The following IQANK1 variants were observed in gnomAD, a reference collection of about 807,000 sequenced individuals.
IQANK1 encodes the protein IQ motif and ankyrin repeat domain-containing protein 1.
In IQANK1, 30 loss-of-function variants were observed where a neutral mutation model predicts 22.6. The ratio of observed to expected loss-of-function variants is 1.33; its 90% CI spans 0.99 to 1.80. The LOEUF (loss-of-function observed/expected upper bound fraction) is 1.80. Ranked by LOEUF, IQANK1 falls within the 40% of genes most tolerant of loss-of-function variation. IQANK1 has a pLI of 0.00. For synonymous variants in IQANK1, 122 were observed against 99.6 expected, an observed-to-expected ratio of 1.23 and a Z score of -1.34; for missense variants, 275 against 235.2, an observed-to-expected ratio of 1.17 and a Z score of -1.11.
At chr8:143,755,446 C>T (rs1251249261) in intron 3 of IQANK1, among the ~76,000 whole-genome samples, 1 of 152,144 alleles carries the variant, frequency 6.6e-6, no homozygotes, top group African/African-American at 2.4e-5. Context: ...TCACTGCAAC[C>T]TCCGCCTCCC....
At chr8:143,742,167 C>T (rs782191789) in intron 3 of IQANK1, 50 of 353,484 alleles carry the variant, frequency 1.4e-4, no homozygotes, top group East Asian at 7.5e-4. Context: ...CCCAGCTGTC[C>T]GCATCACCAC....
intron 3 of IQANK1, among the ~76,000 whole-genome samples, chr8:143,749,184 AATATATATCATATATAAATATATC>A (rs1391466934): frequency 1.6e-5 from 2 of 123,838 alleles, no homozygotes; most frequent in Non-Finnish European, 3.1e-5. Flanking sequence ...ATAATATATA[AATATATATCATATATAAATATATC>A]ATATATATCA....
chr8:143,740,623 A>G (rs540934683), intron 3 of IQANK1, among the ~76,000 whole-genome samples: 1 of 152,256 alleles, frequency 6.6e-6, no homozygotes, highest in African/African-American at 2.4e-5. Context: ...CGCGGAGCCG[A>G]CGGGGCCTCG....
intron 7 of IQANK1, among the ~76,000 whole-genome samples, chr8:143,786,140 G>A (rs1819884423): frequency 6.6e-6 from 1 of 152,226 alleles, no homozygotes. Flanking sequence ...TGGGATTACA[G>A]GCATGAGCCA....
At chr8:143,753,675 G>A (rs1295627400) in intron 3 of IQANK1, among the ~76,000 whole-genome samples, 1 of 151,848 alleles carries the variant, frequency 6.6e-6, no homozygotes, top group Non-Finnish European at 1.5e-5. Flanking sequence ...GGCTGTTCTC[G>A]AACTCCTGAC....
rs11418981 is a variant in IQANK1 at position 143,761,808 on chromosome 8, GTT to G, written c.176-9669_176-9668del. 8.1e-4 allele frequency among the ~76,000 whole-genome samples: 118 copies of G among 146,226 alleles called. 1 individual carries two copies. The highest frequency in any genetic ancestry group is 2.9e-3 in the African/African-American group (114 of 39,464). Reference sequence around the variant, plus strand: ...ATTTCAAAAGAAAATAAATTTCAGTGTTTTTTTTTTTTGCAGGAAGTGTTATA... The same window carrying G: ...ATTTCAAAAGAAAATAAATTTCAGTGTTTTTTTTTTGCAGGAAGTGTTATA... On this transcript the variant is annotated intron_variant, in intron 3 of 13. Transcript: ENST00000527139.
rs1587466266 is a variant in IQANK1, at chr8:143,735,742, T to C, written c.-4-108T>C. 1.5e-6 allele frequency: 1 copy of C among 652,388 alleles called. No individual in the cohort carries two copies. Among genetic ancestry groups the C allele is most frequent in the African/African-American group, 1.8e-5 (1 of 56,462 alleles). The allele number at this position is 652,388 out of a possible 1,614,324, so 40.4% of individuals were successfully genotyped here. On this transcript the variant is annotated intron_variant, in intron 1 of 13. Coordinates refer to ENST00000527139, the MANE Select transcript of IQANK1 (RefSeq NM_001381874.1). The surrounding 1 kb of genome is among the most constrained non-coding windows in gnomAD (Gnocchi z 5.2). Reference sequence around the variant, plus strand: ...GCCTCAGGGGAGCCCATGTTCCTGCTGTCATCCACTCAGGCGCCCATGGTG... The same window carrying C: ...GCCTCAGGGGAGCCCATGTTCCTGCCGTCATCCACTCAGGCGCCCATGGTG...
intron 3 of IQANK1, among the ~76,000 whole-genome samples, chr8:143,769,739 A>T (rs1191680002): frequency 1.7e-4 from 26 of 152,096 alleles, no homozygotes; most frequent in Admixed American, 1.7e-3. Flanking sequence ...TCATTTCCTC[A>T]GTAGCTTTGA....
chr8:143,789,153 C>T (rs989539809), intron 8 of IQANK1, 36 bp from the exon 9 acceptor site: 7 of 400,714 alleles, frequency 1.7e-5, no homozygotes, highest in Non-Finnish European at 2.6e-5. Flanking sequence ...GGGGCGCTGG[C>T]GGAAGCCTCT....
intron 3 of IQANK1, among the ~76,000 whole-genome samples, chr8:143,753,458 C>CTT (rs1343991267): frequency 3.0e-4 from 39 of 130,392 alleles, no homozygotes; most frequent in African/African-American, 6.8e-4. Context: ...GGGAAAGTTT[C>CTT]TTTTTTTTTT....
Position 143,740,732 on chromosome 8 carries a change from T to C in IQANK1, c.175+784T>C, listed in dbSNP as rs566465482. On this transcript the variant is annotated intron_variant, in intron 3 of 13. Coordinates refer to ENST00000527139, the MANE Select transcript of IQANK1 (RefSeq NM_001381874.1). ...GCCTGGCACCGGCAGCCACCTGTCCTCCCCAGCCCAGGCCCGGCACCGCCC... is the reference window on the plus strand; with the variant it reads ...GCCTGGCACCGGCAGCCACCTGTCCCCCCCAGCCCAGGCCCGGCACCGCCC... Among the ~76,000 whole-genome samples, 3 of 152,154 alleles carry C rather than the reference T, an allele frequency of 2.0e-5. No individual in the cohort carries two copies. In the East Asian group the frequency reaches 5.8e-4, roughly 30 times the overall value.
chr8:143,785,740 T>TC (rs1819873911), intron 7 of IQANK1, among the ~76,000 whole-genome samples: 2 of 144,752 alleles, frequency 1.4e-5, no homozygotes, highest in African/African-American at 2.6e-5. Context: ...TTTTTTTTTT[T>TC]CTCTGAGATG....
At chr8:143,748,805 A>ATT (rs1563770424) in intron 3 of IQANK1, among the ~76,000 whole-genome samples, 158 of 83,704 alleles carry the variant, frequency 1.9e-3, no homozygotes, top group South Asian at 5.5e-3. Flanking sequence ...ATAAATATAT[A>ATT]TCATATAAAT....
In IQANK1 at chr8:143,774,353, C is replaced by T. The variant is rs529690229; in HGVS notation, c.789+1871C>T. 5.3e-5 allele frequency among the ~76,000 whole-genome samples: 8 copies of T among 152,230 alleles called. No homozygotes were observed. The highest frequency in any genetic ancestry group is 3.9e-4 in the Admixed American group (6 of 15,292). On this transcript the variant is annotated intron_variant, in intron 7 of 13. Transcript: ENST00000527139. This position sits in a 1 kb window ranked among gnomAD's most constrained non-coding sequence, Gnocchi z 4.2. ...TAGAAAAAACTCACATCGCAAACAA[C>T]AATGAAACATACAATCTAGGTATAA... is the stretch of plus-strand genomic sequence containing the variant.
intron 7 of IQANK1, among the ~76,000 whole-genome samples, chr8:143,783,161 T>C (rs563721165): frequency 2.3e-3 from 358 of 152,382 alleles, no homozygotes; most frequent in African/African-American, 8.2e-3. Flanking sequence ...TTGGTACATA[T>C]GTGCACAGTT....
At chr8:143,768,276 C>G (rs1031820699) in intron 3 of IQANK1, among the ~76,000 whole-genome samples, 1 of 152,094 alleles carries the variant, frequency 6.6e-6, no homozygotes, top group African/African-American at 2.4e-5. Flanking sequence ...GGTGCGGGAA[C>G]GTCTCACCGC....
chr8:143,768,435 T>C (rs1554629420), intron 3 of IQANK1, among the ~76,000 whole-genome samples: 2 of 152,110 alleles, frequency 1.3e-5, no homozygotes, highest in African/African-American at 4.8e-5. Context: ...TTGATACTTA[T>C]CTTGGAAGAG....
intron 7 of IQANK1, among the ~76,000 whole-genome samples, chr8:143,777,495 T>C (rs1252779304): frequency 7.6e-6 from 1 of 132,010 alleles, no homozygotes; most frequent in Non-Finnish European, 1.6e-5. Context: ...CACTCCAGCC[T>C]GGGCGACAGA....
chr8:143,786,709 G>A (rs186488293), intron 7 of IQANK1, among the ~76,000 whole-genome samples: 1 of 152,228 alleles, frequency 6.6e-6, no homozygotes, highest in East Asian at 1.9e-4. Flanking sequence ...GGAGATGCCA[G>A]GCTACCAGGG....
Sources: allele counts gnomAD v4.1 joint callset (sites outside exome capture counted in the v4.1 genomes callset), GRCh38; gene constraint gnomAD v4.1.1; non-coding constraint Gnocchi (gnomAD v3.1); transcripts MANE v1.5; gene names NCBI Gene and HGNC (gene_info 2026-07-23, HGNC 2026-07-21).